Variants in USP54 observed in about 807,000 individuals in gnomAD.
USP54 encodes ubiquitin specific peptidase 54.
USP54 carries 87 observed loss-of-function variants against 170.5 expected under a neutral mutation model. The ratio of observed to expected loss-of-function variants is 0.51; its 90% CI spans 0.43 to 0.61. The LOEUF is 0.61. USP54 is among the 20% of genes least tolerant of loss of function. USP54 has a pLI of 0.00. For missense variants in USP54, 1,786 were observed against 2,047.8 expected (o/e 0.87, Z 2.47); for synonymous variants, 655 against 742.8 (o/e 0.88, Z 1.92).
intron 3 of USP54, among the ~76,000 whole-genome samples, chr10:73,573,167 G>T (rs2075520263): frequency 6.6e-6 from 1 of 152,018 alleles, no homozygotes; most frequent in Non-Finnish European, 1.5e-5. Flanking sequence ...GCATGTGTCT[G>T]TTGTCCTAGC....
intron 4 of USP54, among the ~76,000 whole-genome samples, chr10:73,557,110 A>G (rs1262856649): frequency 6.6e-6 from 1 of 152,166 alleles, no homozygotes; most frequent in Non-Finnish European, 1.5e-5. Flanking sequence ...CGGATTTCCT[A>G]TCCTGAACAG....
chr10:73,564,439 T>C (rs1358204082), intron 4 of USP54, among the ~76,000 whole-genome samples: 1 of 152,216 alleles, frequency 6.6e-6, no homozygotes, highest in East Asian at 1.9e-4. Context: ...ACAGGGCAAG[T>C]AGCAAGTTTC....
At chr10:73,573,426 C>T (rs1316479713) in intron 3 of USP54, among the ~76,000 whole-genome samples, 1 of 152,130 alleles carries the variant, frequency 6.6e-6, no homozygotes. Context: ...TATAGGCTTG[C>T]CAGCACATAA....
At chr10:73,585,787 C>T (rs575892903) in intron 1 of USP54, among the ~76,000 whole-genome samples, 2 of 152,284 alleles carry the variant, frequency 1.3e-5, no homozygotes, top group Admixed American at 1.3e-4. Flanking sequence ...TTTTAGGAGG[C>T]TGAGGTGGGC....
intron 4 of USP54, among the ~76,000 whole-genome samples, chr10:73,545,933 T>A (rs929552680): frequency 6.6e-6 from 1 of 152,194 alleles, no homozygotes; most frequent in Non-Finnish European, 1.5e-5. Context: ...TGTCATGAAT[T>A]AATGTAATGC....
chr10:73,548,725 G>A (rs2133585366), intron 4 of USP54, among the ~76,000 whole-genome samples: 1 of 152,256 alleles, frequency 6.6e-6, no homozygotes, highest in East Asian at 1.9e-4. Flanking sequence ...ACCGGGGCCT[G>A]TCGGGAGGTG....
intron 2 of USP54, 36 bp from the exon 3 acceptor site, chr10:73,575,711 G>A (rs2076030513): frequency 6.6e-7 from 1 of 1,504,138 alleles, no homozygotes; most frequent in Admixed American, 2.1e-5. Flanking sequence ...GTGCCTTTTT[G>A]GCAGGAATTT....
chr10:73,501,081 C>T (rs913453630), intron 22 of USP54, among the ~76,000 whole-genome samples: 2 of 152,134 alleles, frequency 1.3e-5, no homozygotes, highest in African/African-American at 4.8e-5. Flanking sequence ...CTCACCTTCC[C>T]AACCCTATCA....
At chr10:73,593,753 G>A (rs1033546519), upstream of USP54, among the ~76,000 whole-genome samples, 1 of 152,196 alleles carries the variant, frequency 6.6e-6, no homozygotes, top group Admixed American at 6.5e-5. Flanking sequence ...GGGTAGTGGG[G>A]AGGGTAATGG....
intron 1 of USP54, among the ~76,000 whole-genome samples, chr10:73,581,420 G>A (rs2076894038): frequency 6.6e-6 from 1 of 152,138 alleles, no homozygotes; most frequent in Non-Finnish European, 1.5e-5. Context: ...GAAAACAGTG[G>A]GTCTCAACCT....
At position 73,504,847 on chromosome 10, in the gene USP54, T is replaced by C. The variant is rs2058820159; in HGVS notation, c.4311+3A>G. On this transcript the variant is annotated splice_donor_region_variant and intron_variant, in intron 22 of 23. Transcript: ENST00000687698. ...TGAATAGATGGACCCTGATTCTACTTACAAAACTGTGGGAAGAAACCGGAG... is the reference window on the plus strand; with the variant it reads ...TGAATAGATGGACCCTGATTCTACTCACAAAACTGTGGGAAGAAACCGGAG... 2 of 1,614,024 alleles carry C rather than the reference T, an allele frequency of 1.2e-6. No homozygotes were observed. The highest frequency in any genetic ancestry group is 1.6e-4 in the Middle Eastern group (1 of 6,084).
intron 4 of USP54, among the ~76,000 whole-genome samples, chr10:73,569,286 T>C (rs2074517820): frequency 6.6e-6 from 1 of 152,232 alleles, no homozygotes; most frequent in Non-Finnish European, 1.5e-5. Flanking sequence ...ACCATGGGAC[T>C]ACTGTATTTC....
Position 73,509,601 on chromosome 10 carries a change from C to T in USP54, c.4052-4175G>A, listed in dbSNP as rs942285166. Among the ~76,000 whole-genome samples, 10 of 149,940 alleles carry T rather than the reference C, an allele frequency of 6.7e-5. No individual in the cohort carries two copies. The South Asian group carries it at 1.3e-3, about 19-fold the overall frequency. ...TTGTATTCCAGCCTGGGTGACAGAG[C>T]GAGACTCCGTCTCATTAAAAAAAAA... On this transcript the variant is annotated intron_variant, in intron 20 of 23. Transcript: ENST00000687698.
intron 4 of USP54, among the ~76,000 whole-genome samples, chr10:73,547,180 T>A (rs1256010191): frequency 6.6e-6 from 1 of 152,088 alleles, no homozygotes; most frequent in Non-Finnish European, 1.5e-5. Context: ...ATACTTGTAA[T>A]CACTTGAGCT....
At position 73,545,503 on chromosome 10, in the gene USP54, C is replaced by T. The variant is rs775856918; in HGVS notation, c.375+35G>A. Reference sequence around the variant, plus strand: ...CTGATGGAGACCATCAGCAGTCCCACCCCATATCAAAGAGGGCCAGAGGCC... The same window carrying T: ...CTGATGGAGACCATCAGCAGTCCCATCCCATATCAAAGAGGGCCAGAGGCC... On this transcript the variant is annotated intron_variant, in intron 5 of 23. Coordinates refer to ENST00000687698, the MANE Select transcript of USP54 (RefSeq NM_001391956.1). 19 of 1,612,184 alleles carry T rather than the reference C, an allele frequency of 1.2e-5. No individual in the cohort carries two copies. The South Asian group carries it at 1.8e-4, about 15-fold the overall frequency.
intron 16 of USP54, among the ~76,000 whole-genome samples, chr10:73,525,563 G>C (rs2062703793): frequency 6.6e-6 from 1 of 152,148 alleles, no homozygotes; most frequent in Non-Finnish European, 1.5e-5. Context: ...GCTATCTGAA[G>C]AGAAGGGAGA....
chr10:73,610,196 TA>T (rs1394829996), intron 1 of USP54, among the ~76,000 whole-genome samples: 1 of 151,874 alleles, frequency 6.6e-6, no homozygotes. Context: ...AAAATAAAAA[TA>T]AAAAAACTTT....
Position 73,500,756 on chromosome 10 carries a change from G to A in USP54, c.4394C>T (p.Ser1465Phe). Residue 1465 changes from serine to phenylalanine, a missense_variant, in exon 23 of 24, where the codon TCT becomes TTT. Physicochemically the swap from Ser to Phe is radical, Grantham distance 155 (BLOSUM62 -2). Around this residue, in one of 3 missense-constraint regions of USP54, gnomAD observed 1,418 missense variants for 1,569.0 expected, o/e 0.90. Transcript: ENST00000687698. ...GAGTTGGGGACCGAGGAGAAACACA[G>A]AAGGGTCATGGATGACAGGGAGGGA... Reference protein sequence around the residue: ...SSSLPVIHDPSVFLLGPQLYL... With the variant: ...SSSLPVIHDPFVFLLGPQLYL... 6.2e-7 allele frequency: 1 copy of A among 1,603,600 alleles called. No homozygotes were observed. Among genetic ancestry groups the A allele is most frequent in the Non-Finnish European group, 8.5e-7 (1 of 1,176,076 alleles).
intron 20 of USP54, chr10:73,505,786 C>A (rs974248184): frequency 1.8e-5 from 3 of 166,588 alleles, no homozygotes; most frequent in African/African-American, 2.4e-5. Flanking sequence ...AGGAGAATGG[C>A]GTGAACCCGG....
Sources: gnomAD v4.1 joint callset for allele counts (sites outside exome capture counted in the v4.1 genomes callset) on GRCh38, gnomAD v4.1.1 for gene constraint, gnomAD v4.1.1 regional missense constraint, MANE v1.5 for transcripts, NCBI Gene and HGNC (gene_info 2026-07-23, HGNC 2026-07-21) for gene names.